The following NLGN4Y variants were observed in gnomAD, a reference collection of about 807,000 sequenced individuals.
The protein encoded by NLGN4Y is neuroligin 4 Y-linked.
Under a neutral mutation model 8.4 loss-of-function variants are expected in NLGN4Y, and 4 were observed. That is an observed-to-expected ratio of 0.48 (90% CI 0.23 to 1.09). NLGN4Y has a LOEUF of 1.09. NLGN4Y is among the 50% of genes least tolerant of loss of function. The pLI, the probability that NLGN4Y is intolerant of heterozygous loss-of-function variation, is 0.19. For missense variants in NLGN4Y, 90 were observed against 192.3 expected (o/e 0.47, Z 3.15); for synonymous variants, 35 against 75.6 (o/e 0.46, Z 2.78).
chrY:14,618,367 C>G, intron 1 of NLGN4Y, among the ~76,000 whole-genome samples: 1 of 32,091 alleles, frequency 3.1e-5, no homozygotes, highest in Non-Finnish European at 7.6e-5. Flanking sequence ...GTGCCCCATC[C>G]TACTTCTGCT....
intron 2 of NLGN4Y, among the ~76,000 whole-genome samples, chrY:14,626,475 C>T (rs2080528160): frequency 2.9e-5 from 1 of 33,969 alleles, no homozygotes; most frequent in African/African-American, 1.2e-4. Context: ...CCTGTGAGTT[C>T]GTGGTCTCGC....
rs2080469095 is a variant in NLGN4Y, at chrY:14,611,541, C to CTGTT, written c.-111-10454_-111-10451dup. ...ACTTAGTTTGTCTGGATGTGAAATT[C>CTGTT]TGTTTGTTTGTTTGTTTATTTATTT... On this transcript the variant is annotated intron_variant, in intron 1 of 6. Transcript: ENST00000684976. 4.8e-3 allele frequency among the ~76,000 whole-genome samples: 129 copies of CTGTT among 26,918 alleles called. No individual in the cohort carries two copies. In the Middle Eastern group the frequency reaches 0.052, roughly 11 times the overall value. 72.2% of individuals were successfully genotyped at this position (26,918 alleles called of 37,273 possible). A position where few individuals can be genotyped will look rare whatever the true frequency, so the allele number is the denominator to read the frequency against.
At chrY:14,756,058 C>G (rs2081055806) in intron 4 of NLGN4Y, among the ~76,000 whole-genome samples, 1 of 33,477 alleles carries the variant, frequency 3.0e-5, no homozygotes, top group Admixed American at 2.7e-4. Context: ...TGTTTATGAC[C>G]TAACTTACTT....
chrY:14,765,561 C>T (rs1603503714), intron 4 of NLGN4Y, among the ~76,000 whole-genome samples: 2 of 33,414 alleles, frequency 6.0e-5, no homozygotes, highest in African/African-American at 1.2e-4. Flanking sequence ...TGTTCAATTT[C>T]GCTTTGTTTG....
At chrY:14,793,008 G>C in intron 4 of NLGN4Y, among the ~76,000 whole-genome samples, 1 of 29,439 alleles carries the variant, frequency 3.4e-5, no homozygotes, top group South Asian at 8.0e-4. Flanking sequence ...TGACCTTTTG[G>C]CTATCCTAAC....
At chrY:14,532,641 G>T in intron 1 of NLGN4Y, among the ~76,000 whole-genome samples, 1 of 33,045 alleles carries the variant, frequency 3.0e-5, no homozygotes. Context: ...GGCCATCCCT[G>T]TACTCTAAAA....
chrY:14,752,550 T>A, intron 4 of NLGN4Y, among the ~76,000 whole-genome samples: 1 of 33,805 alleles, frequency 3.0e-5, no homozygotes, highest in South Asian at 6.4e-4. Context: ...TATTTTAGAT[T>A]TTTTTCTATT....
chrY:14,617,405 C>T (rs2080494378), intron 1 of NLGN4Y, among the ~76,000 whole-genome samples: 1 of 26,699 alleles, frequency 3.7e-5, no homozygotes, highest in Non-Finnish European at 8.4e-5. Flanking sequence ...TGGATCCACT[C>T]CAGACGCTGT....
At chrY:14,531,547 A>G in intron 1 of NLGN4Y, among the ~76,000 whole-genome samples, 1 of 31,283 alleles carries the variant, frequency 3.2e-5, no homozygotes, top group African/African-American at 1.2e-4. Flanking sequence ...ATTTATCTAA[A>G]CATAAAATGT....
intron 1 of NLGN4Y, among the ~76,000 whole-genome samples, chrY:14,613,004 G>T (rs2080475098): frequency 9.1e-5 from 3 of 32,804 alleles, no homozygotes; most frequent in Non-Finnish European, 2.2e-4. Context: ...GAGAAGAGGA[G>T]TATAGAGAGC....
At chrY:14,801,615 A>G (rs2043033475) in intron 4 of NLGN4Y, among the ~76,000 whole-genome samples, 1 of 30,872 alleles carries the variant, frequency 3.2e-5, no homozygotes, top group Non-Finnish European at 7.8e-5. Flanking sequence ...CAGAAAGAGA[A>G]AGTTTTTCTC....
intron 1 of NLGN4Y, among the ~76,000 whole-genome samples, chrY:14,541,256 A>G: frequency 3.0e-5 from 1 of 33,558 alleles, no homozygotes; most frequent in South Asian, 6.7e-4. Flanking sequence ...GATTAGAGAA[A>G]AAAGAATGAA....
chrY:14,778,122 G>A (rs2081134348), intron 4 of NLGN4Y, among the ~76,000 whole-genome samples: 1 of 32,340 alleles, frequency 3.1e-5, no homozygotes, highest in Non-Finnish European at 7.5e-5. Context: ...CCAAAGCCTT[G>A]CAGCCTTCCA....
At chrY:14,793,830 G>T in intron 4 of NLGN4Y, 1 of 29,434 alleles carries the variant, frequency 3.4e-5, no homozygotes, top group Non-Finnish European at 8.0e-5. Context: ...AACAAACAGA[G>T]AAAAAAAATA....
chrY:14,677,571 T>C (rs2080753500), intron 2 of NLGN4Y, among the ~76,000 whole-genome samples: 1 of 32,745 alleles, frequency 3.1e-5, no homozygotes, highest in Non-Finnish European at 7.5e-5. Context: ...TGACTTCCTC[T>C]CAACTCTCCC....
chrY:14,663,127 C>T (rs111253908), intron 2 of NLGN4Y, among the ~76,000 whole-genome samples: 3 of 33,533 alleles, frequency 8.9e-5, no homozygotes, highest in South Asian at 6.6e-4. Context: ...CATGGTATAA[C>T]GGTCTTTCTG....
chrY:14,800,158 G>A (rs2043025342), intron 4 of NLGN4Y, among the ~76,000 whole-genome samples: 2 of 33,049 alleles, frequency 6.1e-5, no homozygotes, highest in African/African-American at 1.2e-4. Context: ...AGAGCCCCTC[G>A]TGACAGGTGA....
At chrY:14,690,480 G>T (rs757424414) in intron 2 of NLGN4Y, among the ~76,000 whole-genome samples, 726 of 32,779 alleles carry the variant, frequency 0.022, no homozygotes, top group Non-Finnish European at 0.042. Context: ...TTCATGCCAT[G>T]CTGAAAAATT....
intron 4 of NLGN4Y, among the ~76,000 whole-genome samples, chrY:14,729,063 G>A: frequency 6.0e-5 from 2 of 33,209 alleles, no homozygotes; most frequent in Non-Finnish European, 1.5e-4. Flanking sequence ...AGAAACTCAC[G>A]TAACTTTTAA....
Sources: gnomAD v4.1 joint callset for allele counts (sites outside exome capture counted in the v4.1 genomes callset) on GRCh38, gnomAD v4.1.1 for gene constraint, MANE v1.5 for transcripts, NCBI Gene and HGNC (gene_info 2026-07-23, HGNC 2026-07-21) for gene names.